Variants in TNFRSF10C observed in about 807,000 individuals in gnomAD.
TNFRSF10C encodes TNF receptor superfamily member 10c, also known as tumor necrosis factor receptor superfamily member 10C.
A neutral mutation model predicts 16.7 loss-of-function variants in TNFRSF10C; 17 were observed. The observed-to-expected ratio is 1.02, with a 90% CI of 0.70 to 1.53. TNFRSF10C has a LOEUF of 1.53. Among genes scored for constraint, TNFRSF10C ranks in the 40% most tolerant of loss-of-function variants. TNFRSF10C has a pLI of 0.00. For synonymous variants in TNFRSF10C, 73 were observed against 119.7 expected (o/e 0.61, Z 2.55); for missense variants, 237 against 329.7 (o/e 0.72, Z 2.18).
chr8:23,111,219 C>T (rs1164794556), intron 1 of TNFRSF10C, among the ~76,000 whole-genome samples: 3 of 146,522 alleles, frequency 2.0e-5, no homozygotes, highest in Non-Finnish European at 4.5e-5. Context: ...TTCATTTTTT[C>T]TTTTTTTTTT....
Position 23,117,121 on chromosome 8 carries a change from C to G in TNFRSF10C, c.*90C>G. The G allele has an allele frequency of 6.5e-7, 1 of 1,535,144 alleles. No homozygotes were observed. The highest frequency in any genetic ancestry group is 8.8e-7 in the Non-Finnish European group (1 of 1,141,918). On this transcript the variant is annotated 3_prime_UTR_variant, in exon 5 of 5. Transcript: ENST00000356864. The stretch of plus-strand genomic sequence containing the variant: ...CGGGGGGCGCTGGACACTCTCTGCC[C>G]TGCCTCCCTCTGCTGTGTTCCCACA...
At chr8:23,112,998 A>C (rs1029343716) in intron 2 of TNFRSF10C, among the ~76,000 whole-genome samples, 3 of 152,130 alleles carry the variant, frequency 2.0e-5, no homozygotes, top group Non-Finnish European at 2.9e-5. Context: ...TCTTTTTGGT[A>C]ATAGCCATTC....
chr8:23,117,246 G>T lies in TNFRSF10C; in HGVS notation c.*215G>T. 1 of 720,408 alleles carries T rather than the reference G, an allele frequency of 1.4e-6. No individual in the cohort carries two copies. The highest frequency in any genetic ancestry group is 2.2e-6 in the Non-Finnish European group (1 of 448,066). 44.6% of individuals were successfully genotyped at this position (720,408 alleles called of 1,614,324 possible). On this transcript the variant is annotated 3_prime_UTR_variant, in exon 5 of 5. Coordinates refer to ENST00000356864, the MANE Select transcript of TNFRSF10C (RefSeq NM_003841.5). ...ATCCCCACATCCCGTGCACCCCCCA[G>T]GACCCTGGTCTCATCAGTCCCTCTC... is the stretch of plus-strand genomic sequence containing the variant.
intron 1 of TNFRSF10C, among the ~76,000 whole-genome samples, chr8:23,105,225 T>A (rs1471832887): frequency 6.6e-6 from 1 of 152,236 alleles, no homozygotes; most frequent in East Asian, 1.9e-4. Flanking sequence ...CCCCAGCTCC[T>A]GCCTGTAAAG....
At chr8:23,115,444 G>A in intron 3 of TNFRSF10C, 64 bp from the exon 4 acceptor site, 3 of 1,411,580 alleles carry the variant, frequency 2.1e-6, no homozygotes, top group Non-Finnish European at 3.0e-6. Flanking sequence ...GGGGGTGGGT[G>A]GTAAGGAAGA....
intron 2 of TNFRSF10C, among the ~76,000 whole-genome samples, chr8:23,112,732 G>A (rs1015244022): frequency 2.0e-5 from 3 of 152,182 alleles, no homozygotes; most frequent in Non-Finnish European, 2.9e-5. Flanking sequence ...TGGACACGTA[G>A]GTTGATTCCA....
intron 4 of TNFRSF10C, 66 bp downstream of exon 4, chr8:23,115,682 C>T: frequency 6.0e-6 from 8 of 1,332,034 alleles, no homozygotes; most frequent in East Asian, 2.3e-5. Flanking sequence ...TCACCTGGTA[C>T]CCCTATTTCT....
intron 1 of TNFRSF10C, among the ~76,000 whole-genome samples, chr8:23,108,671 A>T (rs1043200309): frequency 6.6e-6 from 1 of 152,262 alleles, no homozygotes; most frequent in Non-Finnish European, 1.5e-5. Flanking sequence ...CAAAAATAGA[A>T]TTAAAAAGAG....
At chr8:23,104,801 A>T (rs1813745762) in intron 1 of TNFRSF10C, among the ~76,000 whole-genome samples, 1 of 152,202 alleles carries the variant, frequency 6.6e-6, no homozygotes, top group South Asian at 2.1e-4. Context: ...TTTCAAGGAT[A>T]TAGGAGTTTT....
intron 1 of TNFRSF10C, among the ~76,000 whole-genome samples, chr8:23,107,438 C>T (rs57028664): frequency 0.06 from 9,192 of 152,164 alleles, 767 homozygotes; most frequent in African/African-American, 0.19. Context: ...ACAATGTATA[C>T]ACACGTCTCA....
At chr8:23,111,277 C>T (rs995997958) in intron 1 of TNFRSF10C, among the ~76,000 whole-genome samples, 10 of 151,050 alleles carry the variant, frequency 6.6e-5, no homozygotes, top group East Asian at 1.9e-4. Flanking sequence ...AGTGCAATGG[C>T]GCGATCTTGG....
intron 1 of TNFRSF10C, among the ~76,000 whole-genome samples, chr8:23,111,146 T>C (rs1281044186): frequency 7.2e-5 from 11 of 152,140 alleles, no homozygotes; most frequent in Non-Finnish European, 4.4e-5. Flanking sequence ...CTTGCTCCCA[T>C]TATCTGGGGT....
chr8:23,114,321 T>C (rs1025662531), intron 2 of TNFRSF10C, among the ~76,000 whole-genome samples: 1 of 151,832 alleles, frequency 6.6e-6, no homozygotes, highest in African/African-American at 2.4e-5. Flanking sequence ...AATATCTCAA[T>C]GATGTGTATT....
At chr8:23,109,102 G>T (rs1813831132) in intron 1 of TNFRSF10C, among the ~76,000 whole-genome samples, 1 of 152,122 alleles carries the variant, frequency 6.6e-6, no homozygotes, top group Non-Finnish European at 1.5e-5. Flanking sequence ...GAAATATACA[G>T]CTTTCAATGT....
intron 1 of TNFRSF10C, among the ~76,000 whole-genome samples, chr8:23,104,961 G>C (rs1813748609): frequency 6.6e-6 from 1 of 152,198 alleles, no homozygotes; most frequent in African/African-American, 2.4e-5. Context: ...TCCTCAGCCT[G>C]TCAGGGTGAC....
At chr8:23,108,493 T>C (rs942033348) in intron 1 of TNFRSF10C, among the ~76,000 whole-genome samples, 19 of 152,286 alleles carry the variant, frequency 1.2e-4, no homozygotes, top group African/African-American at 4.6e-4. Flanking sequence ...CGGGGACCCC[T>C]CTCCTGTCCT....
intron 1 of TNFRSF10C, among the ~76,000 whole-genome samples, chr8:23,110,130 T>G (rs1486098303): frequency 6.9e-6 from 1 of 145,030 alleles, no homozygotes; most frequent in Non-Finnish European, 1.5e-5. Flanking sequence ...GAAAGGATTT[T>G]AAAAAACACT....
chr8:23,108,047 C>A (rs1268931132), intron 1 of TNFRSF10C, among the ~76,000 whole-genome samples: 2 of 152,172 alleles, frequency 1.3e-5, no homozygotes, highest in African/African-American at 4.8e-5. Context: ...ACAGCACCTT[C>A]AGCTCTTCGC....
chr8:23,109,404 G>A (rs768698589), intron 1 of TNFRSF10C, among the ~76,000 whole-genome samples: 8 of 152,042 alleles, frequency 5.3e-5, no homozygotes, highest in African/African-American at 1.4e-4. Flanking sequence ...TTGGGAGGCC[G>A]AGGAGGGTGG....
Sources: allele counts gnomAD v4.1 joint callset (sites outside exome capture counted in the v4.1 genomes callset), GRCh38; gene constraint gnomAD v4.1.1; transcripts MANE v1.5; gene names NCBI Gene and HGNC (gene_info 2026-07-23, HGNC 2026-07-21).